The following KALRN variants were observed in gnomAD, a reference collection of about 807,000 sequenced individuals.
The protein encoded by KALRN is kalirin.
KALRN carries 70 observed loss-of-function variants against 353.7 expected under a neutral mutation model. The ratio of observed to expected loss-of-function variants is 0.20; its 90% CI spans 0.16 to 0.24. The LOEUF (loss-of-function observed/expected upper bound fraction) is 0.24, where lower values mean the gene tolerates loss of function less well. KALRN is among the 10% of genes least tolerant of loss of function. KALRN has a pLI of 1.00. For synonymous variants in KALRN, 1,391 were observed against 1,434.8 expected, an observed-to-expected ratio of 0.97 and a Z score of 0.69; for missense variants, 2,791 against 3,756.7, an observed-to-expected ratio of 0.74 and a Z score of 6.72.
At chr3:124,390,023 A>G (rs977267899) in intron 11 of KALRN, among the ~76,000 whole-genome samples, 3 of 152,248 alleles carry the variant, frequency 2.0e-5, no homozygotes, top group African/African-American at 7.2e-5. Context: ...CACTACTAGT[A>G]CAAATCATGC....
chr3:124,585,831 C>T (rs1249979201), intron 34 of KALRN, among the ~76,000 whole-genome samples: 9 of 152,198 alleles, frequency 5.9e-5, no homozygotes, highest in African/African-American at 2.2e-4. Context: ...GGCCTCCACC[C>T]CCATTTACAA....
chr3:124,642,806 G>GTTGTTTTTTTGTTGTTGTTTTTTTTTT (rs796628603), intron 37 of KALRN, among the ~76,000 whole-genome samples: 1 of 96,840 alleles, frequency 1.0e-5, no homozygotes, highest in African/African-American at 4.5e-5. Flanking sequence ...CCCAAGCCTC[G>GTTGTTTTTTTGTTGTTGTTTTTTTTTT]TTTTTTTTTT....
At chr3:124,506,643 A>C (rs2065266021) in intron 33 of KALRN, among the ~76,000 whole-genome samples, 1 of 152,114 alleles carries the variant, frequency 6.6e-6, no homozygotes, top group South Asian at 2.1e-4. Flanking sequence ...ACTCAACTGC[A>C]AGGACTTAAA....
chr3:124,699,671 C>T (rs1395557270), intron 55 of KALRN, among the ~76,000 whole-genome samples, 198 bp from the exon 56 acceptor site: 1 of 152,224 alleles, frequency 6.6e-6, no homozygotes, highest in Non-Finnish European at 1.5e-5. Flanking sequence ...TTCCACGCCT[C>T]TCACCATTTA....
At position 124,492,656 on chromosome 3, in the gene KALRN, T is replaced by C; in HGVS notation, c.4690-84T>C. On this transcript the variant is annotated intron_variant, in intron 31 of 59. Transcript: ENST00000682506. The stretch of plus-strand genomic sequence containing the variant: ...ATTTGGAATCCTTGAAAATAACAGA[T>C]GAAGACTGCAGGAGGGTTGAGAACT... 3.6e-6 allele frequency: 5 copies of C among 1,374,832 alleles called. No individual in the cohort carries two copies. In the South Asian group the frequency reaches 4.0e-5, roughly 11 times the overall value. 85.2% of individuals were successfully genotyped at this position (1,374,832 alleles called of 1,614,324 possible).
chr3:124,585,485 A>G (rs1363627214), intron 34 of KALRN, among the ~76,000 whole-genome samples: 1 of 152,110 alleles, frequency 6.6e-6, no homozygotes, highest in Non-Finnish European at 1.5e-5. Flanking sequence ...TTAATTAACA[A>G]CTCTCTCTGT....
chr3:124,054,377 AAAAAT>A (rs2041328718), intron 1 of KALRN, among the ~76,000 whole-genome samples: 1 of 151,898 alleles, frequency 6.6e-6, no homozygotes, highest in African/African-American at 2.4e-5. Flanking sequence ...AAATAAAAAT[AAAAAT>A]AAAATAAAAT....
At chr3:124,532,791 A>C (rs2109183583) in intron 33 of KALRN, among the ~76,000 whole-genome samples, 1 of 152,020 alleles carries the variant, frequency 6.6e-6, no homozygotes, top group Non-Finnish European at 1.5e-5. Flanking sequence ...ACAGAGGAAG[A>C]CTCTGTCTCC....
intron 52 of KALRN, 114 bp from the exon 53 acceptor site, chr3:124,694,218 A>G: frequency 2.9e-6 from 3 of 1,020,808 alleles, no homozygotes; most frequent in Non-Finnish European, 4.5e-6. Context: ...ACTGAAGGTT[A>G]TTTGAATCAT....
chr3:124,357,503 C>T (rs970433423), intron 10 of KALRN, among the ~76,000 whole-genome samples: 3 of 152,178 alleles, frequency 2.0e-5, no homozygotes, highest in African/African-American at 7.2e-5. Context: ...TCCCTCTATC[C>T]CATCTTGTAT....
intron 10 of KALRN, among the ~76,000 whole-genome samples, chr3:124,355,110 C>A (rs901653744): frequency 6.6e-6 from 1 of 152,134 alleles, no homozygotes; most frequent in Non-Finnish European, 1.5e-5. Context: ...TAGGTTAGAG[C>A]AAAGGGTTCT....
intron 3 of KALRN, among the ~76,000 whole-genome samples, chr3:124,238,199 G>A (rs1205085609): frequency 6.6e-6 from 1 of 152,018 alleles, no homozygotes; most frequent in African/African-American, 2.4e-5. Context: ...ACAGTTGAAG[G>A]AATGAGGGAT....
At chr3:124,281,308 A>G (rs1456497491) in intron 5 of KALRN, among the ~76,000 whole-genome samples, 3 of 152,208 alleles carry the variant, frequency 2.0e-5, no homozygotes, top group African/African-American at 2.4e-5. Context: ...GTGGAGAGAT[A>G]AAAGAGGGTT....
At chr3:124,284,928 C>T (rs1436596999) in intron 5 of KALRN, among the ~76,000 whole-genome samples, 1 of 152,224 alleles carries the variant, frequency 6.6e-6, no homozygotes, top group Non-Finnish European at 1.5e-5. Context: ...TGAGATCTCA[C>T]TGTTTGGCCG....
chr3:124,220,038 G>A (rs764444325), intron 1 of KALRN, among the ~76,000 whole-genome samples: 15 of 151,818 alleles, frequency 9.9e-5, no homozygotes, highest in Non-Finnish European at 1.6e-4. Flanking sequence ...TCTGCCTCCC[G>A]GGTTCAAGCA....
chr3:124,406,613 A>G (rs1477143540), intron 13 of KALRN, among the ~76,000 whole-genome samples: 1 of 152,206 alleles, frequency 6.6e-6, no homozygotes, highest in Middle Eastern at 3.2e-3. Context: ...GCATCCCATC[A>G]CAGTGAAATG....
intron 53 of KALRN, 36 bp from the exon 54 acceptor site, chr3:124,696,098 A>G: frequency 6.2e-7 from 1 of 1,610,734 alleles, no homozygotes; most frequent in Non-Finnish European, 8.5e-7. Flanking sequence ...GTGTCTCATT[A>G]CTGGAGTCTG....
intron 1 of KALRN, among the ~76,000 whole-genome samples, chr3:124,173,542 T>C (rs1456115953): frequency 6.6e-6 from 1 of 152,242 alleles, no homozygotes; most frequent in Non-Finnish European, 1.5e-5. Context: ...GTTTGTCTTT[T>C]GCCTTGGCCT....
Position 124,610,204 on chromosome 3 carries a change from T to G in KALRN, c.5183-22216T>G, listed in dbSNP as rs182236817. 3.9e-5 allele frequency among the ~76,000 whole-genome samples: 6 copies of G among 152,282 alleles called. 1 individual carries two copies. The highest frequency in any genetic ancestry group is 8.8e-5 in the Non-Finnish European group (6 of 68,028). On this transcript the variant is annotated intron_variant, in intron 34 of 59. Coordinates refer to ENST00000682506, the MANE Select transcript of KALRN (RefSeq NM_001388419.1). Reference sequence around the variant, plus strand: ...AAGAAATAAATTTCATAGTAAGTATTTTTAAATATAGTACATTAATATTAA... The same window carrying G: ...AAGAAATAAATTTCATAGTAAGTATGTTTAAATATAGTACATTAATATTAA...
Sources: allele counts gnomAD v4.1 joint callset (sites outside exome capture counted in the v4.1 genomes callset), GRCh38; gene constraint gnomAD v4.1.1; transcripts MANE v1.5; gene names NCBI Gene and HGNC (gene_info 2026-07-23, HGNC 2026-07-21).